Variants in PLXDC2 observed in about 807,000 individuals in gnomAD.
PLXDC2 encodes the protein plexin domain-containing protein 2.
PLXDC2 carries 40 observed loss-of-function variants against 68.9 expected under a neutral mutation model. The observed-to-expected ratio is 0.58, with a 90% CI of 0.45 to 0.76. The LOEUF (loss-of-function observed/expected upper bound fraction) is 0.76. Ranked by LOEUF, PLXDC2 falls within the 30% of genes least tolerant of loss-of-function variation. The pLI is 0.00. For missense variants in PLXDC2, 644 were observed against 661.9 expected (o/e 0.97, Z 0.30); for synonymous variants, 243 against 234.2 (o/e 1.04, Z -0.34).
rs71388870 is a variant in PLXDC2 at position 19,829,154 on chromosome 10, CTTTTTT to C, written c.112+11983_112+11988del. The stretch of plus-strand genomic sequence containing the variant: ...ACCTCTTTTTGGTGCACGCTTTCCT[CTTTTTT>C]TTTTTTTTTTTTTTTTTTTGGCTTT... On this transcript the variant is annotated intron_variant, in intron 1 of 13. Transcript: ENST00000377252. Among the ~76,000 whole-genome samples, 407 of 94,402 alleles carry C rather than the reference CTTTTTT, an allele frequency of 4.3e-3. 1 individual carries two copies. Among genetic ancestry groups the C allele is most frequent in the East Asian group, 0.014 (42 of 2,946 alleles). The allele number at this position is 94,402 out of a possible 152,430, so 61.9% of individuals were successfully genotyped here.
intron 9 of PLXDC2, among the ~76,000 whole-genome samples, chr10:20,206,235 C>T (rs959757013): frequency 1.3e-5 from 2 of 151,920 alleles, no homozygotes; most frequent in Non-Finnish European, 2.9e-5. Flanking sequence ...GTGACCAAGC[C>T]AAAATACTAA....
In PLXDC2 at chr10:20,174,531, A is replaced by G. The variant is rs146181501; in HGVS notation, c.884-2468A>G. Among the ~76,000 whole-genome samples the G allele has an allele frequency of 3.4e-3, 517 of 152,140 alleles. 2 individuals carry two copies. Among genetic ancestry groups the G allele is most frequent in the African/African-American group, 0.011 (464 of 41,498 alleles). ...ACCCAGAGCCACTCCTAGCCCCAAA[A>G]GGGTTTGCTTCGACCCTTTCTCCAC... On this transcript the variant is annotated intron_variant, in intron 7 of 13. Coordinates refer to ENST00000377252, the MANE Select transcript of PLXDC2 (RefSeq NM_032812.9).
chr10:19,929,642 A>G (rs1385483005), intron 1 of PLXDC2, among the ~76,000 whole-genome samples: 1 of 152,214 alleles, frequency 6.6e-6, no homozygotes. Context: ...TCTCTTGTAC[A>G]GGATCAGAGT....
intron 4 of PLXDC2, among the ~76,000 whole-genome samples, chr10:20,101,287 C>A (rs547618876): frequency 2.0e-5 from 3 of 152,240 alleles, no homozygotes; most frequent in African/African-American, 7.2e-5. Context: ...TGTGTTGATT[C>A]TGAGTGAAGA....
intron 12 of PLXDC2, among the ~76,000 whole-genome samples, chr10:20,238,005 A>G (rs1835457055): frequency 6.6e-6 from 1 of 152,110 alleles, no homozygotes; most frequent in Non-Finnish European, 1.5e-5. Context: ...ATGCATTAAA[A>G]TATTTTACCA....
In PLXDC2 at chr10:19,883,884, C is replaced by CTTTTTT. The variant is rs397846779; in HGVS notation, c.112+66715_112+66720dup. ...ATTACTGTCTCCAGATCCCTTTAAA[C>CTTTTTT]TTTTTTTTTTTTTTTTTTTTTTTTT... On this transcript the variant is annotated intron_variant, in intron 1 of 13. Coordinates refer to ENST00000377252, the MANE Select transcript of PLXDC2 (RefSeq NM_032812.9). Among the ~76,000 whole-genome samples the CTTTTTT allele has an allele frequency of 7.1e-4, 39 of 55,104 alleles. 8 individuals are homozygous for CTTTTTT. Among genetic ancestry groups the CTTTTTT allele is most frequent in the African/African-American group, 1.6e-3 (17 of 10,842 alleles). The allele number at this position is 55,104 out of a possible 152,430, so 36.2% of individuals were successfully genotyped here.
chr10:20,110,630 TGA>T (rs952782368), intron 4 of PLXDC2, among the ~76,000 whole-genome samples: 2 of 152,158 alleles, frequency 1.3e-5, no homozygotes, highest in African/African-American at 2.4e-5. Flanking sequence ...GGCTCGGCTC[TGA>T]ACGCCGGTCA....
intron 1 of PLXDC2, among the ~76,000 whole-genome samples, chr10:19,865,959 A>G (rs1056802890): frequency 6.6e-6 from 1 of 152,160 alleles, no homozygotes; most frequent in Non-Finnish European, 1.5e-5. Context: ...AAAGATTCTT[A>G]TATGCTTCTG....
At chr10:19,984,284 G>A (rs942423804) in intron 1 of PLXDC2, among the ~76,000 whole-genome samples, 1 of 152,120 alleles carries the variant, frequency 6.6e-6, no homozygotes, top group Non-Finnish European at 1.5e-5. Flanking sequence ...GAAGAGGCAG[G>A]ATAATGCCAC....
intron 1 of PLXDC2, among the ~76,000 whole-genome samples, chr10:19,990,011 G>T (rs57353460): frequency 0.25 from 37,468 of 151,898 alleles, 4,954 homozygotes; most frequent in East Asian, 0.5. Flanking sequence ...GTCTCCCAAA[G>T]TGCTGGGATT....
chr10:20,108,493 A>G (rs1284431345), intron 4 of PLXDC2, among the ~76,000 whole-genome samples: 1 of 152,194 alleles, frequency 6.6e-6, no homozygotes, highest in Non-Finnish European at 1.5e-5. Flanking sequence ...TATCATCTGT[A>G]CAGTAGACAG....
chr10:19,936,422 C>A (rs1006947604), intron 1 of PLXDC2, among the ~76,000 whole-genome samples: 1 of 152,216 alleles, frequency 6.6e-6, no homozygotes, highest in Non-Finnish European at 1.5e-5. Flanking sequence ...TCTGACACTG[C>A]ACTGCAAAAG....
Position 19,856,341 on chromosome 10 carries a change from C to T in PLXDC2, c.112+39150C>T, listed in dbSNP as rs181956726. On this transcript the variant is annotated intron_variant, in intron 1 of 13. Transcript: ENST00000377252. ...AGTGATTTTTATTAAAGATAACTCACAGTGGAAGCTTTATACACACACAAA... is the reference window on the plus strand; with the variant it reads ...AGTGATTTTTATTAAAGATAACTCATAGTGGAAGCTTTATACACACACAAA... 2.8e-3 allele frequency among the ~76,000 whole-genome samples: 427 copies of T among 151,296 alleles called. 7 individuals are homozygous for T. The highest frequency in any genetic ancestry group is 0.025 in the Admixed American group (380 of 15,052).
Position 20,287,694 on chromosome 10 carries a change from T to C in PLXDC2, c.*7875T>C, listed in dbSNP as rs1235862634. ...GAAGTCTCTTTAGAAACAGACATCT[T>C]GTGTATGGCGTAACCCAGTCTTGGG... On this transcript the variant is annotated 3_prime_UTR_variant, in exon 14 of 14. Coordinates refer to ENST00000377252, the MANE Select transcript of PLXDC2 (RefSeq NM_032812.9). The C allele has an allele frequency of 6.6e-6, 1 of 152,112 alleles. No homozygotes were observed. The highest frequency in any genetic ancestry group is 1.5e-5 in the Non-Finnish European group (1 of 68,024). 9.4% of individuals were successfully genotyped at this position (152,112 alleles called of 1,614,324 possible).
chr10:19,869,029 G>A (rs751016024), intron 1 of PLXDC2, among the ~76,000 whole-genome samples: 5 of 152,128 alleles, frequency 3.3e-5, no homozygotes, highest in Admixed American at 6.5e-5. Flanking sequence ...GCATATTAGA[G>A]TGACTTGTCA....
intron 1 of PLXDC2, among the ~76,000 whole-genome samples, chr10:19,869,055 G>T (rs1253048808): frequency 6.6e-6 from 1 of 152,066 alleles, no homozygotes; most frequent in Non-Finnish European, 1.5e-5. Flanking sequence ...TTTAGAGTTA[G>T]AGAACTCAGG....
chr10:19,966,931 T>A (rs1834273226), intron 1 of PLXDC2, among the ~76,000 whole-genome samples: 1 of 152,156 alleles, frequency 6.6e-6, no homozygotes, highest in South Asian at 2.1e-4. Context: ...TGGTGCTGGG[T>A]CGCTGTTTCC....
intron 9 of PLXDC2, among the ~76,000 whole-genome samples, chr10:20,179,508 GA>G (rs1372997396): frequency 1.3e-5 from 2 of 151,300 alleles, no homozygotes; most frequent in Admixed American, 1.3e-4. Flanking sequence ...GGAAAGTCCA[GA>G]AAAAAAACAA....
chr10:19,950,480 T>TA (rs2131406141), intron 1 of PLXDC2, among the ~76,000 whole-genome samples: 1 of 152,088 alleles, frequency 6.6e-6, no homozygotes, highest in East Asian at 1.9e-4. Context: ...CAAGGAGAAC[T>TA]AAAAAATATT....
Sources: allele counts gnomAD v4.1 joint callset (sites outside exome capture counted in the v4.1 genomes callset), GRCh38; gene constraint gnomAD v4.1.1; transcripts MANE v1.5; gene names NCBI Gene and HGNC (gene_info 2026-07-23, HGNC 2026-07-21).